DGKG: variants seen among roughly 807,000 people sequenced by gnomAD.
The protein encoded by DGKG is diacylglycerol kinase gamma, also known as DAG kinase gamma.
A neutral mutation model predicts 105.3 loss-of-function variants in DGKG; 78 were observed. The ratio of observed to expected loss-of-function variants is 0.74; its 90% confidence interval spans 0.62 to 0.89. DGKG has a LOEUF of 0.89. Ranked by LOEUF, DGKG falls within the 40% of genes least tolerant of loss-of-function variation. DGKG has a pLI of 0.00. For missense variants in DGKG, 958 were observed against 1,020.1 expected, an observed-to-expected ratio of 0.94 and a Z score of 0.83; for synonymous variants, 346 against 367.1, an observed-to-expected ratio of 0.94 and a Z score of 0.66.
chr3:186,237,584 A>G (rs1300559764), intron 20 of DGKG, among the ~76,000 whole-genome samples: 1 of 152,172 alleles, frequency 6.6e-6, no homozygotes, highest in Admixed American at 6.5e-5. Flanking sequence ...CTTCATTTCT[A>G]AAATGGGGAC....
rs76218681 is a variant in DGKG at position 186,315,490 on chromosome 3, A to G, written c.67+4903T>C. On this transcript the variant is annotated intron_variant, in intron 2 of 24. Coordinates refer to ENST00000265022, the MANE Select transcript of DGKG (RefSeq NM_001346.3). ...AACAAGTTCCAGGTTGTCCATGTCC[A>G]TCGTAAACCATAGTGACCATAAATA... 8.2e-3 allele frequency among the ~76,000 whole-genome samples: 1,246 copies of G among 152,268 alleles called. 23 individuals are homozygous for G. Among genetic ancestry groups the G allele is most frequent in the African/African-American group, 0.027 (1,130 of 41,538 alleles).
Position 186,177,469 on chromosome 3 carries a change from G to A in DGKG, c.2095+10733C>T, listed in dbSNP as rs373803925. Among the ~76,000 whole-genome samples the A allele has an allele frequency of 1.6e-4, 24 of 152,224 alleles. No homozygotes were observed. The East Asian group carries it at 4.2e-3, about 27-fold the overall frequency. ...GCATTGCATGGTGCTGGGCAGCTGGGGCACATGTGCTGAAGGGAAGACCTC... is the reference window on the plus strand; with the variant it reads ...GCATTGCATGGTGCTGGGCAGCTGGAGCACATGTGCTGAAGGGAAGACCTC... On this transcript the variant is annotated intron_variant, in intron 22 of 24. Coordinates refer to ENST00000265022, the MANE Select transcript of DGKG (RefSeq NM_001346.3).
At chr3:186,296,278 C>G (rs945778120) in intron 5 of DGKG, among the ~76,000 whole-genome samples, 1 of 152,198 alleles carries the variant, frequency 6.6e-6, no homozygotes, top group Admixed American at 6.5e-5. Flanking sequence ...CTTAGGGACA[C>G]TGAGGCACAG....
At chr3:186,213,441 G>A (rs191219824) in intron 20 of DGKG, among the ~76,000 whole-genome samples, 11 of 152,318 alleles carry the variant, frequency 7.2e-5, no homozygotes, top group Admixed American at 5.2e-4. Context: ...AATAATTGGG[G>A]GAAACATTGT....
intron 2 of DGKG, among the ~76,000 whole-genome samples, chr3:186,307,569 T>C (rs1724309505): frequency 6.6e-6 from 1 of 152,228 alleles, no homozygotes; most frequent in South Asian, 2.1e-4. Context: ...GCTTGTCATA[T>C]AGTGTTATAA....
At chr3:186,220,658 T>C (rs1719522423) in intron 20 of DGKG, among the ~76,000 whole-genome samples, 1 of 152,196 alleles carries the variant, frequency 6.6e-6, no homozygotes, top group South Asian at 2.1e-4. Context: ...TGAGGTTGGC[T>C]GGGACCCTGA....
Position 186,203,288 on chromosome 3 carries a change from G to C in DGKG, c.1917+8507C>G, listed in dbSNP as rs76654954. Among the ~76,000 whole-genome samples the C allele has an allele frequency of 0.02, 3,067 of 152,268 alleles. 125 individuals carry two copies. The highest frequency in any genetic ancestry group is 0.071 in the African/African-American group (2,966 of 41,536). ...ATTTAATAAGCCAAAGAATCACAGA[G>C]GTCCTCAGGAGGCCTGATGATAAAG... On this transcript the variant is annotated intron_variant, in intron 21 of 24. Transcript: ENST00000265022. The surrounding 1 kb of genome is among the most constrained non-coding windows in gnomAD (Gnocchi z 4.9).
At chr3:186,209,095 T>TTTTTTTTTTTTTTC (rs1718899273) in intron 21 of DGKG, among the ~76,000 whole-genome samples, 1 of 27,752 alleles carries the variant, frequency 3.6e-5, no homozygotes, top group African/African-American at 1.3e-4. Context: ...TTACTCTTCT[T>TTTTTTTTTTTTTTC]TTTTTTTTTT....
In DGKG at chr3:186,284,799, C is replaced by T; in HGVS notation, c.545-90G>A. ...ATGCTGCCAGGTTTTTAGATTAGTTCTGTCACCACTGTGACGAAGGTTATG... is the reference window on the plus strand; with the variant it reads ...ATGCTGCCAGGTTTTTAGATTAGTTTTGTCACCACTGTGACGAAGGTTATG... On this transcript the variant is annotated intron_variant, in intron 6 of 24. Transcript: ENST00000265022. This position sits in a 1 kb window ranked among gnomAD's most constrained non-coding sequence, Gnocchi z 4.0. 2.9e-6 allele frequency: 3 copies of T among 1,035,410 alleles called. No individual in the cohort carries two copies. The highest frequency in any genetic ancestry group is 4.8e-5 in the East Asian group (2 of 41,920). 64.1% of individuals were successfully genotyped at this position (1,035,410 alleles called of 1,614,324 possible).
At chr3:186,323,496 G>A (rs768719681) in intron 1 of DGKG, among the ~76,000 whole-genome samples, 4 of 152,168 alleles carry the variant, frequency 2.6e-5, no homozygotes, top group Admixed American at 6.5e-5. Flanking sequence ...TAGTGCTTCT[G>A]TTTAAGAATG....
chr3:186,286,701 A>G (rs998206449), intron 6 of DGKG, among the ~76,000 whole-genome samples: 2 of 152,186 alleles, frequency 1.3e-5, no homozygotes, highest in African/African-American at 4.8e-5. Context: ...AATAAAAAGC[A>G]AACCAAAATG....
intron 22 of DGKG, among the ~76,000 whole-genome samples, chr3:186,174,238 A>G (rs1716964643): frequency 6.6e-6 from 1 of 152,192 alleles, no homozygotes; most frequent in South Asian, 2.1e-4. Flanking sequence ...TATGAATAGG[A>G]TGGGATCAGA....
In DGKG at chr3:186,226,824, T is replaced by G. The variant is rs1719880809; in HGVS notation, c.1827-14939A>C. ...GAAGAATTTCAATCTAAGTGTAGGT[T>G]CAATAAACATGAATATTCAGCAATT... is the stretch of plus-strand genomic sequence containing the variant. On this transcript the variant is annotated intron_variant, in intron 20 of 24. Transcript: ENST00000265022. This position sits in a 1 kb window ranked among gnomAD's most constrained non-coding sequence, Gnocchi z 4.2. Among the ~76,000 whole-genome samples the G allele has an allele frequency of 6.6e-6, 1 of 152,214 alleles. No homozygotes were observed. Among genetic ancestry groups the G allele is most frequent in the South Asian group, 2.1e-4 (1 of 4,830 alleles).
In DGKG at chr3:186,319,270, G is replaced by A. The variant is rs150561433; in HGVS notation, c.67+1123C>T. Among the ~76,000 whole-genome samples the A allele has an allele frequency of 5.6e-3, 853 of 152,284 alleles. 8 individuals carry two copies. The highest frequency in any genetic ancestry group is 0.019 in the African/African-American group (805 of 41,556). ...TTCGGAGTCACAGGATGCTGGGCTG[G>A]AAGGGACCGCAGGGAGAGAACACTT... On this transcript the variant is annotated intron_variant, in intron 2 of 24. Transcript: ENST00000265022.
At chr3:186,285,794 C>T (rs1348819044) in intron 6 of DGKG, among the ~76,000 whole-genome samples, 2 of 151,840 alleles carry the variant, frequency 1.3e-5, no homozygotes, top group Non-Finnish European at 2.9e-5. Flanking sequence ...ATTCTTCTGC[C>T]TCACCCTCCT....
chr3:186,195,309 C>T (rs1560089726), intron 21 of DGKG, among the ~76,000 whole-genome samples: 1 of 151,208 alleles, frequency 6.6e-6, no homozygotes, highest in African/African-American at 2.4e-5. Flanking sequence ...AAAAAACAAA[C>T]AAAAAAAAGA....
At chr3:186,273,956 C>A (rs1276128668) in intron 10 of DGKG, among the ~76,000 whole-genome samples, 3 of 152,054 alleles carry the variant, frequency 2.0e-5, no homozygotes, top group African/African-American at 7.3e-5. Flanking sequence ...GCTGCAGCCC[C>A]TCTGCCTTCT....
intron 20 of DGKG, among the ~76,000 whole-genome samples, chr3:186,220,652 GT>G (rs1719521990): frequency 6.6e-6 from 1 of 152,146 alleles, no homozygotes; most frequent in Non-Finnish European, 1.5e-5. Context: ...CCAGCTTGAG[GT>G]TGGCTGGGAC....
chr3:186,301,519 C>T (rs999965911), intron 3 of DGKG, among the ~76,000 whole-genome samples: 4 of 152,004 alleles, frequency 2.6e-5, no homozygotes, highest in African/African-American at 7.3e-5. Flanking sequence ...CCCAGCTACT[C>T]GGGAGGCTGA....
Sources: gnomAD v4.1 joint callset for allele counts (sites outside exome capture counted in the v4.1 genomes callset) on GRCh38, gnomAD v4.1.1 for gene constraint, Gnocchi (gnomAD v3.1) non-coding constraint, MANE v1.5 for transcripts, NCBI Gene and HGNC (gene_info 2026-07-23, HGNC 2026-07-21) for gene names.